Variants in GAPVD1 observed in about 807,000 individuals in gnomAD.
The protein encoded by GAPVD1 is GTPase-activating protein and VPS9 domain-containing protein 1.
In GAPVD1, 35 loss-of-function variants were observed where a neutral mutation model predicts 155.5. The observed-to-expected ratio is 0.23, with a 90% CI of 0.17 to 0.30. The LOEUF is 0.30. Among genes scored for constraint, GAPVD1 ranks in the 10% least tolerant of loss-of-function variants. The probability of loss-of-function intolerance (pLI) is 1.00; values close to 1 mark genes in which losing one functional copy is unlikely to be tolerated. For synonymous variants in GAPVD1, 636 were observed against 619.7 expected (o/e 1.03, Z -0.39); for missense variants, 1,429 against 1,775.7 (o/e 0.80, Z 3.51).
chr9:125,302,857 A>G, intron 5 of GAPVD1, 31 bp downstream of exon 5: 16 of 1,548,670 alleles, frequency 1.0e-5, no homozygotes, highest in Non-Finnish European at 1.4e-5. Flanking sequence ...TTAACGTGGC[A>G]TTTAGTTTAA....
At chr9:125,279,040 C>G (rs1282329594) in intron 2 of GAPVD1, among the ~76,000 whole-genome samples, 4 of 150,164 alleles carry the variant, frequency 2.7e-5, no homozygotes, top group South Asian at 2.1e-4. Flanking sequence ...GGTGAAACCC[C>G]GTATCTACTG....
At chr9:125,294,929 A>G (rs1007476610) in intron 2 of GAPVD1, among the ~76,000 whole-genome samples, 1 of 152,072 alleles carries the variant, frequency 6.6e-6, no homozygotes, top group African/African-American at 2.4e-5. Flanking sequence ...TAACAGAACT[A>G]GAAATTAAAG....
chr9:125,345,433 G>A (rs1024227472), intron 19 of GAPVD1, among the ~76,000 whole-genome samples: 1 of 152,092 alleles, frequency 6.6e-6, no homozygotes, highest in African/African-American at 2.4e-5. Flanking sequence ...TGCCCGCATC[G>A]GCCTCCAAAG....
intron 25 of GAPVD1, among the ~76,000 whole-genome samples, chr9:125,357,483 T>G (rs929901904): frequency 2.0e-5 from 3 of 151,736 alleles, no homozygotes; most frequent in Admixed American, 6.6e-5. Flanking sequence ...GGAGGCTGAA[T>G]AGGGAGGATC....
At chr9:125,360,852 A>G (rs1384648138) in intron 27 of GAPVD1, 127 bp downstream of exon 27, 2 of 688,124 alleles carry the variant, frequency 2.9e-6, no homozygotes, top group Non-Finnish European at 5.1e-6. Flanking sequence ...TCAGAAAGAA[A>G]GTGCCTAATG....
At chr9:125,352,922 C>T (rs1240688227) in intron 23 of GAPVD1, among the ~76,000 whole-genome samples, 1 of 152,136 alleles carries the variant, frequency 6.6e-6, no homozygotes, top group African/African-American at 2.4e-5. Flanking sequence ...GCCTGGCTGA[C>T]ATGGTGAAAC....
chr9:125,314,566 A>G (rs1047575149), intron 9 of GAPVD1, among the ~76,000 whole-genome samples: 54 of 152,068 alleles, frequency 3.6e-4, no homozygotes, highest in African/African-American at 1.2e-3. Flanking sequence ...AGACAGGAGA[A>G]TCGCTTGAAC....
chr9:125,337,126 T>C (rs780727262), intron 16 of GAPVD1, 31 bp downstream of exon 16: 35 of 1,597,942 alleles, frequency 2.2e-5, no homozygotes, highest in Middle Eastern at 1.7e-4. Flanking sequence ...TTTTCACTTA[T>C]GTCACAGACA....
At chr9:125,342,861 A>AAAAAC (rs1848009895) in intron 19 of GAPVD1, among the ~76,000 whole-genome samples, 1 of 152,112 alleles carries the variant, frequency 6.6e-6, no homozygotes, top group Non-Finnish European at 1.5e-5. Flanking sequence ...CTAATTTTTT[A>AAAAAC]CAGCTTGAAC....
Position 125,288,040 on chromosome 9 carries a change from T to C in GAPVD1, c.-149-7418T>C, listed in dbSNP as rs570089142. Among the ~76,000 whole-genome samples the C allele has an allele frequency of 2.2e-4, 33 of 152,052 alleles. No individual in the cohort carries two copies. The South Asian group carries it at 5.0e-3, about 23-fold the overall frequency. On this transcript the variant is annotated intron_variant, in intron 2 of 27. Transcript: ENST00000297933. ...CATGTGTGAGCCACCGTTTCTGGCC[T>C]ACTTTAAGTCTTATATGAAACTTCC... is the stretch of plus-strand genomic sequence containing the variant.
rs563302493 is a variant in GAPVD1 at position 125,359,286 on chromosome 9, ACTGTAATCCATATCTAG to A, written c.3972-116_3972-100del. The A allele has an allele frequency of 6.8e-5, 46 of 673,606 alleles. No individual in the cohort carries two copies. In the East Asian group the frequency reaches 1.1e-3, roughly 15 times the overall value. The allele number at this position is 673,606 out of a possible 1,614,324, so 41.7% of individuals were successfully genotyped here. A position where few individuals can be genotyped will look rare whatever the true frequency, so the allele number is the denominator to read the frequency against. On this transcript the variant is annotated intron_variant, in intron 25 of 27. Transcript: ENST00000297933. ...TACTTATCTAAGAGGCTCAACTCTAACTGTAATCCATATCTAGCTGTAATCCATATCTAGTCAACATG... is the reference window on the plus strand; with the variant it reads ...TACTTATCTAAGAGGCTCAACTCTAACTGTAATCCATATCTAGTCAACATG...
chr9:125,284,787 T>A (rs1837381465), intron 2 of GAPVD1, among the ~76,000 whole-genome samples: 1 of 152,230 alleles, frequency 6.6e-6, no homozygotes, highest in Non-Finnish European at 1.5e-5. Flanking sequence ...TCTTCTGGGC[T>A]ACAAACCTGT....
chr9:125,355,133 T>G (rs1375616130), intron 24 of GAPVD1, among the ~76,000 whole-genome samples: 1 of 152,198 alleles, frequency 6.6e-6, no homozygotes, highest in African/African-American at 2.4e-5. Context: ...TTTAGAAACT[T>G]TTGAGACGGA....
chr9:125,277,996 C>T (rs1445817140), intron 2 of GAPVD1, among the ~76,000 whole-genome samples: 1 of 151,946 alleles, frequency 6.6e-6, no homozygotes, highest in Non-Finnish European at 1.5e-5. Context: ...GAGAATGAAC[C>T]CATTATTTTA....
intron 13 of GAPVD1, 103 bp from the exon 14 acceptor site, chr9:125,331,823 T>A: frequency 2.0e-6 from 2 of 1,019,236 alleles, no homozygotes; most frequent in Non-Finnish European, 3.0e-6. Flanking sequence ...TTGCACTGAT[T>A]TTATTCATGC....
chr9:125,262,979 T>G (rs982666334), intron 1 of GAPVD1, among the ~76,000 whole-genome samples: 38 of 152,170 alleles, frequency 2.5e-4, no homozygotes, highest in African/African-American at 8.7e-4. Flanking sequence ...ATTTCTGGTG[T>G]TACTAGACCC....
At chr9:125,321,981 G>C (rs473862) in intron 10 of GAPVD1, among the ~76,000 whole-genome samples, 1,715 of 152,166 alleles carry the variant, frequency 0.011, 27 homozygotes, top group African/African-American at 0.039. Flanking sequence ...ATACCTTTAT[G>C]AAGCAGAAGA....
intron 2 of GAPVD1, among the ~76,000 whole-genome samples, chr9:125,270,070 C>G (rs1834643564): frequency 6.6e-6 from 1 of 152,010 alleles, no homozygotes; most frequent in African/African-American, 2.4e-5. Context: ...ACTGTATACA[C>G]ATTTTAGAAT....
chr9:125,356,015 A>G (rs1468532366), intron 25 of GAPVD1, among the ~76,000 whole-genome samples, 158 bp downstream of exon 25: 1 of 152,214 alleles, frequency 6.6e-6, no homozygotes, highest in Non-Finnish European at 1.5e-5. Context: ...GATCACAAAG[A>G]ATAATACCCA....
Sources: allele counts gnomAD v4.1 joint callset (sites outside exome capture counted in the v4.1 genomes callset), GRCh38; gene constraint gnomAD v4.1.1; transcripts MANE v1.5; gene names NCBI Gene and HGNC (gene_info 2026-07-23, HGNC 2026-07-21).